The following TAF12 variants were observed in gnomAD, a reference collection of about 807,000 sequenced individuals.
TAF12 encodes the protein transcription initiation factor TFIID subunit 12.
In TAF12, 3 loss-of-function variants were observed where a neutral mutation model predicts 20.8. The ratio of observed to expected loss-of-function variants is 0.14; its 90% CI spans 0.07 to 0.37. TAF12 has a LOEUF of 0.37. TAF12 is among the 10% of genes least tolerant of loss of function. The pLI, the probability that TAF12 is intolerant of heterozygous loss-of-function variation, is 1.00. For synonymous variants in TAF12, 69 were observed against 70.2 expected, an observed-to-expected ratio of 0.98 and a Z score of 0.09; for missense variants, 131 against 197.9, an observed-to-expected ratio of 0.66 and a Z score of 2.03.
rs148972359 is a variant in TAF12, at chr1:28,635,953, G to A, written c.-85+7039C>T. Reference sequence around the variant, plus strand: ...CAAAATACTGGAATCAAGAGGACTGGCCTGATGGCATAAAAGCCCTATACT... The same window carrying A: ...CAAAATACTGGAATCAAGAGGACTGACCTGATGGCATAAAAGCCCTATACT... On this transcript the variant is annotated intron_variant, in intron 1 of 5. Coordinates refer to ENST00000373824, the MANE Select transcript of TAF12 (RefSeq NM_005644.4). Among the ~76,000 whole-genome samples, 16 of 152,150 alleles carry A rather than the reference G, an allele frequency of 1.1e-4. No individual in the cohort carries two copies. The East Asian group carries it at 2.9e-3, about 28-fold the overall frequency.
chr1:28,641,131 A>C (rs1372335483), intron 1 of TAF12, among the ~76,000 whole-genome samples: 1 of 152,106 alleles, frequency 6.6e-6, no homozygotes, highest in African/African-American at 2.4e-5. Context: ...TATTAATGTC[A>C]ATACAGTAAC....
intron 1 of TAF12, among the ~76,000 whole-genome samples, chr1:28,635,550 C>T (rs1446169091): frequency 1.3e-5 from 2 of 151,384 alleles, no homozygotes; most frequent in African/African-American, 4.9e-5. Context: ...CATGATCTGC[C>T]CACCTCGGCC....
chr1:28,645,867 C>G (rs1474720550), upstream of TAF12, among the ~76,000 whole-genome samples: 2 of 151,608 alleles, frequency 1.3e-5, no homozygotes, highest in Admixed American at 6.6e-5. Context: ...ACTCAGGAGG[C>G]TGAGGCATGA....
intron 1 of TAF12, among the ~76,000 whole-genome samples, chr1:28,627,751 G>A (rs769573793): frequency 6.6e-5 from 10 of 150,434 alleles, no homozygotes; most frequent in Non-Finnish European, 1.3e-4. Flanking sequence ...TAAGAAACTC[G>A]ACAAAAATTT....
intron 1 of TAF12, among the ~76,000 whole-genome samples, chr1:28,633,688 G>C (rs1430284162): frequency 6.6e-6 from 1 of 151,698 alleles, no homozygotes; most frequent in Non-Finnish European, 1.5e-5. Context: ...GAGGTGGGCA[G>C]ATCATCTAAG....
intron 2 of TAF12, among the ~76,000 whole-genome samples, chr1:28,620,958 C>A (rs1388589229): frequency 6.6e-6 from 1 of 152,108 alleles, no homozygotes; most frequent in Admixed American, 6.6e-5. Flanking sequence ...CCAGTCTAAC[C>A]CCCTTTTCTA....
chr1:28,616,745 T>A lies in TAF12; in HGVS notation c.246+1208A>T, dbSNP rs538327237. Among the ~76,000 whole-genome samples, 822 of 151,626 alleles carry A rather than the reference T, an allele frequency of 5.4e-3. 1 individual carries two copies. The highest frequency in any genetic ancestry group is 0.017 in the Middle Eastern group (5 of 292). On this transcript the variant is annotated intron_variant, in intron 3 of 5. Coordinates refer to ENST00000373824, the MANE Select transcript of TAF12 (RefSeq NM_005644.4). Reference sequence around the variant, plus strand: ...AGCAAGACTGTCTCAAAAAAATAAATAAATAAATAAATAAAAGTTATATGG... The same window carrying A: ...AGCAAGACTGTCTCAAAAAAATAAAAAAATAAATAAATAAAAGTTATATGG...
At chr1:28,629,249 T>C (rs1306988709) in intron 1 of TAF12, among the ~76,000 whole-genome samples, 1 of 152,194 alleles carries the variant, frequency 6.6e-6, no homozygotes, top group African/African-American at 2.4e-5. Flanking sequence ...TCCTGTATTA[T>C]GTGCATATGT....
At chr1:28,617,618 G>GT (rs1667085929) in intron 3 of TAF12, among the ~76,000 whole-genome samples, 1 of 151,522 alleles carries the variant, frequency 6.6e-6, no homozygotes. Context: ...GGCTAATTTT[G>GT]TTTTTTGTAT....
At chr1:28,645,109 C>T (rs541875869), upstream of TAF12, among the ~76,000 whole-genome samples, 10 of 151,818 alleles carry the variant, frequency 6.6e-5, no homozygotes, top group Admixed American at 1.3e-4. Context: ...TATCTCGGCT[C>T]ACTGCAAGTT....
intron 1 of TAF12, among the ~76,000 whole-genome samples, chr1:28,626,170 G>A (rs187002878): frequency 3.3e-5 from 5 of 151,398 alleles, no homozygotes; most frequent in Admixed American, 6.6e-5. Flanking sequence ...GTAGAGGAGG[G>A]GTTTCACCAT....
intron 1 of TAF12, among the ~76,000 whole-genome samples, chr1:28,640,222 G>A (rs757389632): frequency 6.6e-6 from 1 of 152,066 alleles, no homozygotes; most frequent in Non-Finnish European, 1.5e-5. Flanking sequence ...CAAAGTTCCC[G>A]TTTTTCTATC....
intron 3 of TAF12, among the ~76,000 whole-genome samples, chr1:28,615,454 G>A (rs1419347157): frequency 1.3e-5 from 2 of 151,884 alleles, no homozygotes; most frequent in African/African-American, 2.4e-5. Flanking sequence ...CGAAGTGGGT[G>A]GATGACCTGA....
chr1:28,610,886 G>A (rs1166230278), intron 4 of TAF12, among the ~76,000 whole-genome samples: 2 of 151,190 alleles, frequency 1.3e-5, no homozygotes, highest in African/African-American at 4.9e-5. Flanking sequence ...CTTGAACCTG[G>A]GAGGCGGAGG....
At chr1:28,630,280 A>C (rs552228654) in intron 1 of TAF12, among the ~76,000 whole-genome samples, 1 of 152,276 alleles carries the variant, frequency 6.6e-6, no homozygotes, top group African/African-American at 2.4e-5. Context: ...GTTCAGGGCC[A>C]GGTACAGTGG....
chr1:28,638,409 G>A (rs1293887817), intron 1 of TAF12, among the ~76,000 whole-genome samples: 7 of 151,412 alleles, frequency 4.6e-5, no homozygotes, highest in African/African-American at 1.5e-4. Context: ...GGCTGGTCTC[G>A]AACTCCCAAC....
At chr1:28,636,794 C>G (rs1399170170) in intron 1 of TAF12, among the ~76,000 whole-genome samples, 3 of 151,836 alleles carry the variant, frequency 2.0e-5, no homozygotes, top group Non-Finnish European at 2.9e-5. Flanking sequence ...AAGCAAGACC[C>G]TGTCTCAGGG....
At chr1:28,644,911 A>AAATG (rs1326391348), upstream of TAF12, among the ~76,000 whole-genome samples, 1 of 152,204 alleles carries the variant, frequency 6.6e-6, no homozygotes, top group Non-Finnish European at 1.5e-5. Context: ...GGCGATTGTT[A>AAATG]AATGATACAG....
At chr1:28,627,665 C>CAAAAAAAAAAA (rs61016146) in intron 1 of TAF12, among the ~76,000 whole-genome samples, 1 of 103,498 alleles carries the variant, frequency 9.7e-6, no homozygotes, top group Non-Finnish European at 1.8e-5. Context: ...TGCACTCCCT[C>CAAAAAAAAAAA]AAAAAAAAAA....
Sources: allele counts gnomAD v4.1 joint callset (sites outside exome capture counted in the v4.1 genomes callset), GRCh38; gene constraint gnomAD v4.1.1; transcripts MANE v1.5; gene names NCBI Gene and HGNC (gene_info 2026-07-23, HGNC 2026-07-21).